Variants in DGKB observed in about 807,000 individuals in gnomAD.
DGKB encodes the protein 90 kDa diacylglycerol kinase.
Under a neutral mutation model 114.3 loss-of-function variants are expected in DGKB, and 67 were observed. The observed-to-expected ratio is 0.59, with a 90% CI of 0.48 to 0.72. The LOEUF (loss-of-function observed/expected upper bound fraction) is 0.72. Among genes scored for constraint, DGKB ranks in the 30% least tolerant of loss-of-function variants. The pLI is 0.00. For synonymous variants in DGKB, 398 were observed against 323.1 expected (o/e 1.23, Z -2.49); for missense variants, 907 against 975.2 (o/e 0.93, Z 0.93).
At chr7:14,685,393 C>T (rs1019645324) in intron 9 of DGKB, 31 bp from the exon 10 acceptor site, 4 of 1,486,210 alleles carry the variant, frequency 2.7e-6, no homozygotes, top group Non-Finnish European at 3.8e-6. Flanking sequence ...ACAGATTTCA[C>T]TTAATGAAAT....
intron 20 of DGKB, among the ~76,000 whole-genome samples, chr7:14,513,718 A>G (rs754093571): frequency 3.1e-4 from 47 of 152,166 alleles, no homozygotes; most frequent in Middle Eastern, 3.4e-3. Flanking sequence ...CTTTATATGT[A>G]GGAACTATAT....
intron 21 of DGKB, among the ~76,000 whole-genome samples, chr7:14,444,025 A>G (rs1235250443): frequency 6.6e-6 from 1 of 151,654 alleles, no homozygotes; most frequent in African/African-American, 2.4e-5. Flanking sequence ...GCTGTGTTTA[A>G]TATTTATCAG....
chr7:14,685,626 G>C (rs887429546), intron 9 of DGKB, among the ~76,000 whole-genome samples: 1 of 152,110 alleles, frequency 6.6e-6, no homozygotes, highest in African/African-American at 2.4e-5. Context: ...CCAAGCCATC[G>C]TCATGACCTG....
intron 1 of DGKB, among the ~76,000 whole-genome samples, chr7:14,875,413 T>A (rs1264406655): frequency 1.3e-5 from 2 of 152,138 alleles, no homozygotes; most frequent in African/African-American, 4.8e-5. Context: ...CATGCTTTTT[T>A]AAAAAATTAA....
At chr7:14,892,329 T>C (rs1238045974) in intron 1 of DGKB, among the ~76,000 whole-genome samples, 3 of 151,164 alleles carry the variant, frequency 2.0e-5, no homozygotes, top group African/African-American at 7.3e-5. Context: ...GATAATTGAC[T>C]TACCTTACCT....
rs546629640 is a variant in DGKB, at chr7:14,441,639, T to C, written c.1835+36522A>G. 3.3e-5 allele frequency among the ~76,000 whole-genome samples: 5 copies of C among 152,226 alleles called. No individual in the cohort carries two copies. The South Asian group carries it at 1.0e-3, about 32-fold the overall frequency. On this transcript the variant is annotated intron_variant, in intron 21 of 25. Transcript: ENST00000402815. ...ATTTAGATCTTGAATGCAGTACAAA[T>C]TATTTTGTGTAATTTACAGAAATAA...
chr7:14,670,869 A>G (rs1818852467), intron 13 of DGKB, among the ~76,000 whole-genome samples: 1 of 152,116 alleles, frequency 6.6e-6, no homozygotes. Flanking sequence ...CTTTGTTTTA[A>G]TGTTTTCTTT....
chr7:14,712,570 C>A (rs565584045), intron 6 of DGKB, among the ~76,000 whole-genome samples: 6 of 152,186 alleles, frequency 3.9e-5, no homozygotes, highest in Non-Finnish European at 8.8e-5. Flanking sequence ...ACTAGGGAGG[C>A]TGAGGCAGGA....
chr7:14,971,481 A>G (rs1212685696), intron 1 of DGKB, among the ~76,000 whole-genome samples: 2 of 152,160 alleles, frequency 1.3e-5, no homozygotes, highest in Non-Finnish European at 2.9e-5. Flanking sequence ...GTACTTTTAC[A>G]AGAATTATGT....
At chr7:14,951,972 C>T (rs1421477048) in intron 1 of DGKB, among the ~76,000 whole-genome samples, 1 of 151,998 alleles carries the variant, frequency 6.6e-6, no homozygotes, top group African/African-American at 2.4e-5. Flanking sequence ...CATTGATATG[C>T]TGAAGTCTTA....
intron 1 of DGKB, among the ~76,000 whole-genome samples, chr7:14,919,870 G>A (rs1320569489): frequency 6.6e-6 from 1 of 152,046 alleles, no homozygotes; most frequent in Non-Finnish European, 1.5e-5. Context: ...TCCTCTCCAT[G>A]TGACATGCTT....
chr7:14,396,607 T>C (rs1268188096), intron 21 of DGKB, among the ~76,000 whole-genome samples: 1 of 152,282 alleles, frequency 6.6e-6, no homozygotes, highest in East Asian at 1.9e-4. Context: ...TCAAAAAGCA[T>C]GATATTCAAC....
At chr7:14,756,856 C>T (rs558657008) in intron 3 of DGKB, among the ~76,000 whole-genome samples, 8 of 151,914 alleles carry the variant, frequency 5.3e-5, no homozygotes, top group African/African-American at 1.9e-4. Context: ...TATGAAGCAA[C>T]GTAAATGTTG....
intron 21 of DGKB, among the ~76,000 whole-genome samples, chr7:14,392,995 G>GTTTTTGTTTTTTTTTTTTTTTTT: frequency 0.12 from 7,135 of 60,398 alleles, 2,625 homozygotes; most frequent in Non-Finnish European, 0.2. Context: ...TTTTGTTTTT[G>GTTTTTGTTTTTTTTTTTTTTTTT]TTTTTTTTTT....
At chr7:14,922,573 G>A (rs894513903) in intron 1 of DGKB, among the ~76,000 whole-genome samples, 5 of 151,910 alleles carry the variant, frequency 3.3e-5, no homozygotes, top group South Asian at 2.1e-4. Context: ...ATAACAGCAG[G>A]GTTTAGAAGA....
intron 2 of DGKB, among the ~76,000 whole-genome samples, chr7:14,815,816 G>A (rs894904474): frequency 3.3e-5 from 5 of 152,134 alleles, no homozygotes; most frequent in African/African-American, 1.2e-4. Flanking sequence ...GTGTACAATC[G>A]TGATAAGAAC....
intron 12 of DGKB, among the ~76,000 whole-genome samples, chr7:14,678,296 G>A (rs532406290): frequency 3.9e-4 from 59 of 152,150 alleles, no homozygotes; most frequent in Non-Finnish European, 6.6e-4. Context: ...CCAATGGAGA[G>A]CATTTGAGTT....
rs112438807 is a variant in DGKB, at chr7:14,633,488, C to T, written c.1135-3220G>A. Among the ~76,000 whole-genome samples, 680 of 151,932 alleles carry T rather than the reference C, an allele frequency of 4.5e-3. 2 individuals carry two copies. The highest frequency in any genetic ancestry group is 0.015 in the African/African-American group (624 of 41,488). On this transcript the variant is annotated intron_variant, in intron 13 of 25. Coordinates refer to ENST00000402815, the MANE Select transcript of DGKB (RefSeq NM_001350709.2). ...GAGTTATATATTAAATGTACATGCC[C>T]ATCAGTAGTTTATTCCTGTTACAAT...
intron 21 of DGKB, among the ~76,000 whole-genome samples, chr7:14,385,290 G>A (rs1039808303): frequency 6.6e-6 from 1 of 152,074 alleles, no homozygotes; most frequent in African/African-American, 2.4e-5. Context: ...TCATCTGGGA[G>A]GTTCACTGTT....
Sources: allele counts gnomAD v4.1 joint callset (sites outside exome capture counted in the v4.1 genomes callset), GRCh38; gene constraint gnomAD v4.1.1; transcripts MANE v1.5; gene names NCBI Gene and HGNC (gene_info 2026-07-23, HGNC 2026-07-21).